STXBP5: variants seen among roughly 807,000 people sequenced by gnomAD.
The protein encoded by STXBP5 is syntaxin binding protein 5.
In STXBP5, 50 loss-of-function variants were observed where a neutral mutation model predicts 152.4. The observed-to-expected ratio is 0.33, with a 90% CI of 0.26 to 0.42. STXBP5 has a LOEUF of 0.42. Ranked by LOEUF, STXBP5 falls within the 10% of genes least tolerant of loss-of-function variation. The pLI, the probability that STXBP5 is intolerant of heterozygous loss-of-function variation, is 1.00. For synonymous variants in STXBP5, 492 were observed against 494.7 expected, an observed-to-expected ratio of 0.99 and a Z score of 0.07; for missense variants, 1,167 against 1,388.6, an observed-to-expected ratio of 0.84 and a Z score of 2.54.
intron 21 of STXBP5, among the ~76,000 whole-genome samples, chr6:147,352,723 C>A (rs1411330960): frequency 6.6e-6 from 1 of 152,220 alleles, no homozygotes; most frequent in Non-Finnish European, 1.5e-5. Flanking sequence ...TCTGCAACAC[C>A]TTTCTTCTGA....
chr6:147,384,842 G>T lies in STXBP5; in HGVS notation c.*87G>T. 1 of 1,333,726 alleles carries T rather than the reference G, an allele frequency of 7.5e-7. No individual in the cohort carries two copies. The highest frequency in any genetic ancestry group is 1.2e-5 in the South Asian group (1 of 81,126). The allele number at this position is 1,333,726 out of a possible 1,614,324, so 82.6% of individuals were successfully genotyped here. A position where few individuals can be genotyped will look rare whatever the true frequency, so the allele number is the denominator to read the frequency against. The stretch of plus-strand genomic sequence containing the variant: ...ATTCTTTAGGAAAGTTAACGTTAAA[G>T]GGATGTTCGTCACTGAATACTGTTC... On this transcript the variant is annotated 3_prime_UTR_variant, in exon 28 of 28. Transcript: ENST00000321680.
At chr6:147,253,157 T>TA (rs1317863729) in intron 4 of STXBP5, among the ~76,000 whole-genome samples, 1 of 152,100 alleles carries the variant, frequency 6.6e-6, no homozygotes. Context: ...CGATTCAACA[T>TA]ACGCAAATCA....
chr6:147,320,268 C>T (rs930212330), intron 16 of STXBP5, among the ~76,000 whole-genome samples: 1 of 152,112 alleles, frequency 6.6e-6, no homozygotes, highest in African/African-American at 2.4e-5. Flanking sequence ...TACTGACTGA[C>T]CTGTATACAG....
At chr6:147,222,876 A>G (rs560332275) in intron 2 of STXBP5, among the ~76,000 whole-genome samples, 1 of 152,252 alleles carries the variant, frequency 6.6e-6, no homozygotes, top group South Asian at 2.1e-4. Context: ...GCCTATTTTG[A>G]GCCTCCGGCT....
At chr6:147,240,863 T>A (rs1262640671) in intron 4 of STXBP5, among the ~76,000 whole-genome samples, 1 of 152,122 alleles carries the variant, frequency 6.6e-6, no homozygotes, top group African/African-American at 2.4e-5. Context: ...ACTAGAGAGT[T>A]GGGAGATGTA....
chr6:147,352,435 ACC>A (rs1260239653), intron 21 of STXBP5, among the ~76,000 whole-genome samples: 1 of 152,128 alleles, frequency 6.6e-6, no homozygotes, highest in African/African-American at 2.4e-5. Context: ...CAGGAGTGAA[ACC>A]CCATCTCCAC....
intron 6 of STXBP5, among the ~76,000 whole-genome samples, chr6:147,263,342 CTTTT>C (rs1029110765): frequency 1.9e-4 from 24 of 128,802 alleles, no homozygotes; most frequent in Admixed American, 9.4e-4. Context: ...TTCTTTCTTT[CTTTT>C]TTTTTTTTTT....
chr6:147,344,401 T>A (rs1216374567), intron 21 of STXBP5, among the ~76,000 whole-genome samples: 1 of 152,234 alleles, frequency 6.6e-6, no homozygotes, highest in East Asian at 1.9e-4. Context: ...AAACTATAAA[T>A]GTGGCAATTT....
intron 16 of STXBP5, among the ~76,000 whole-genome samples, chr6:147,324,516 C>T (rs1783123037): frequency 1.3e-5 from 2 of 151,904 alleles, no homozygotes; most frequent in African/African-American, 2.4e-5. Context: ...GTGATCTGCC[C>T]TTCTCGGCTT....
At chr6:147,230,228 C>T (rs1777927949) in intron 2 of STXBP5, among the ~76,000 whole-genome samples, 1 of 151,868 alleles carries the variant, frequency 6.6e-6, no homozygotes, top group African/African-American at 2.4e-5. Context: ...TATTGGTCCT[C>T]TCAGTAGCTG....
chr6:147,219,984 CT>C (rs1328774183), intron 2 of STXBP5, among the ~76,000 whole-genome samples: 4 of 151,384 alleles, frequency 2.6e-5, no homozygotes, highest in African/African-American at 9.7e-5. Flanking sequence ...TTGATTTTAC[CT>C]GTTTCTTCTT....
chr6:147,287,875 C>G lies in STXBP5; in HGVS notation c.839-3219C>G, dbSNP rs1356838073. Reference sequence around the variant, plus strand: ...ACCATTTTTCAAAAAAAGCTATATTCTTCAGATTTCTACCAGCCATGTATG... The same window carrying G: ...ACCATTTTTCAAAAAAAGCTATATTGTTCAGATTTCTACCAGCCATGTATG... On this transcript the variant is annotated intron_variant, in intron 8 of 27. Coordinates refer to ENST00000321680, the MANE Select transcript of STXBP5 (RefSeq NM_001127715.4). Among the ~76,000 whole-genome samples, 3 of 152,068 alleles carry G rather than the reference C, an allele frequency of 2.0e-5. No homozygotes were observed. The South Asian group carries it at 6.2e-4, about 32-fold the overall frequency.
chr6:147,213,477 T>TGTGCGTGCGCGCGCGCGCGCGC, intron 2 of STXBP5, among the ~76,000 whole-genome samples: 1 of 131,278 alleles, frequency 7.6e-6, no homozygotes, highest in Non-Finnish European at 1.6e-5. Context: ...TGTGTGTGTG[T>TGTGCGTGCGCGCGCGCGCGCGC]GCGCGCGCAT....
intron 2 of STXBP5, among the ~76,000 whole-genome samples, chr6:147,235,046 G>C (rs1472329660): frequency 6.6e-6 from 1 of 151,890 alleles, no homozygotes; most frequent in Non-Finnish European, 1.5e-5. Context: ...TAATTTGCTT[G>C]TTTTGTTTAA....
At chr6:147,283,063 C>T (rs1209387916) in intron 8 of STXBP5, among the ~76,000 whole-genome samples, 2 of 152,040 alleles carry the variant, frequency 1.3e-5, no homozygotes, top group African/African-American at 4.8e-5. Flanking sequence ...TACATGTGGC[C>T]TGCAGGCCAT....
intron 4 of STXBP5, among the ~76,000 whole-genome samples, chr6:147,258,394 TGTACA>T (rs1172208440): frequency 2.0e-5 from 3 of 152,218 alleles, no homozygotes; most frequent in African/African-American, 7.2e-5. Context: ...TCTCTCTCTG[TGTACA>T]AACATGCACA....
At chr6:147,331,802 A>G (rs557447601) in intron 18 of STXBP5, among the ~76,000 whole-genome samples, 1 of 122,142 alleles carries the variant, frequency 8.2e-6, no homozygotes, top group African/African-American at 2.9e-5. Flanking sequence ...CTTTTCTACC[A>G]GTTAAAAAAA....
chr6:147,232,775 A>T (rs1215104592), intron 2 of STXBP5, among the ~76,000 whole-genome samples: 2 of 151,880 alleles, frequency 1.3e-5, no homozygotes, highest in African/African-American at 2.4e-5. Flanking sequence ...AATTATTTTT[A>T]TCATGTTAGC....
At chr6:147,314,697 C>T (rs1198880846) in intron 14 of STXBP5, 61 bp downstream of exon 14, 2 of 1,260,594 alleles carry the variant, frequency 1.6e-6, no homozygotes, top group African/African-American at 1.5e-5. Context: ...TTTATGCATC[C>T]TGTTTTATAA....
Sources: gnomAD v4.1 joint callset for allele counts (sites outside exome capture counted in the v4.1 genomes callset) on GRCh38, gnomAD v4.1.1 for gene constraint, MANE v1.5 for transcripts, NCBI Gene and HGNC (gene_info 2026-07-23, HGNC 2026-07-21) for gene names.